The following ZPBP variants were observed in gnomAD, a reference collection of about 807,000 sequenced individuals.
The protein encoded by ZPBP is zona pellucida-binding protein 1.
ZPBP carries 26 observed loss-of-function variants against 44.8 expected under a neutral mutation model. The observed-to-expected ratio is 0.58, with a 90% confidence interval of 0.43 to 0.81. The LOEUF is 0.81. Among genes scored for constraint, ZPBP ranks in the 30% least tolerant of loss-of-function variants. The pLI is 0.00. For synonymous variants in ZPBP, 174 were observed against 153.2 expected (o/e 1.14, Z -1.00); for missense variants, 409 against 434.0 (o/e 0.94, Z 0.51).
intron 6 of ZPBP, among the ~76,000 whole-genome samples, chr7:50,017,578 C>G (rs1356649684): frequency 1.3e-5 from 2 of 151,952 alleles, no homozygotes; most frequent in Non-Finnish European, 2.9e-5. Flanking sequence ...TTTCACTAGG[C>G]AAAAATAATG....
intron 2 of ZPBP, among the ~76,000 whole-genome samples, chr7:49,851,122 G>A (rs1381303436): frequency 2.0e-5 from 3 of 152,134 alleles, no homozygotes; most frequent in Non-Finnish European, 4.4e-5. Flanking sequence ...CCTAGTGGCT[G>A]CCCGCCACCC....
chr7:50,011,886 C>T (rs972939689), intron 6 of ZPBP, among the ~76,000 whole-genome samples: 13 of 151,908 alleles, frequency 8.6e-5, no homozygotes, highest in African/African-American at 3.1e-4. Flanking sequence ...CCCGTCTCTA[C>T]TAAAAATACA....
chr7:50,044,132 A>G (rs189701450), intron 4 of ZPBP, among the ~76,000 whole-genome samples: 118 of 152,352 alleles, frequency 7.7e-4, no homozygotes, highest in East Asian at 2.5e-3. Flanking sequence ...CAAAGACACA[A>G]CGTACCAGAA....
downstream of ZPBP, among the ~76,000 whole-genome samples, chr7:49,848,615 C>T (rs1365081628): frequency 6.6e-6 from 1 of 152,222 alleles, no homozygotes; most frequent in East Asian, 1.9e-4. Flanking sequence ...TTCCCTTTCT[C>T]CACTTGTAAA....
chr7:49,996,064 A>C (rs1174935817), intron 6 of ZPBP, among the ~76,000 whole-genome samples: 1 of 152,226 alleles, frequency 6.6e-6, no homozygotes, highest in African/African-American at 2.4e-5. Context: ...TAGATATTGT[A>C]AATGTCCTGA....
chr7:50,021,485 GA>G (rs77073741), intron 5 of ZPBP, among the ~76,000 whole-genome samples: 28,869 of 149,850 alleles, frequency 0.19, 3,676 homozygotes, highest in East Asian at 0.62. Context: ...AGTCAGAGAA[GA>G]AAAAAAAAAT....
chr7:50,083,834 C>T (rs192027924), intron 2 of ZPBP, among the ~76,000 whole-genome samples: 20 of 151,858 alleles, frequency 1.3e-4, no homozygotes, highest in Non-Finnish European at 2.7e-4. Context: ...AAATAAATTC[C>T]AGGTACACTG....
chr7:50,000,444 A>G (rs1049591565), intron 6 of ZPBP, among the ~76,000 whole-genome samples: 2 of 152,174 alleles, frequency 1.3e-5, no homozygotes, highest in African/African-American at 4.8e-5. Context: ...TTATATTCCT[A>G]TTAAGTAGAG....
chr7:49,983,125 A>G (rs1797103085), intron 7 of ZPBP, among the ~76,000 whole-genome samples: 1 of 152,012 alleles, frequency 6.6e-6, no homozygotes, highest in South Asian at 2.1e-4. Flanking sequence ...TAATGATCCT[A>G]AACTCCCTTG....
chr7:49,883,561 G>T (rs1791772026), intron 2 of ZPBP, among the ~76,000 whole-genome samples: 1 of 152,118 alleles, frequency 6.6e-6, no homozygotes, highest in Non-Finnish European at 1.5e-5. Flanking sequence ...TAAAACATTA[G>T]CTGCACACAT....
rs184032143 is a variant in ZPBP, at chr7:49,882,853, T to G, written n.509+18265A>C. ...ATCTTCTATTTTTTGTGTTTTTGGG[T>G]TTTTTTTGTTTTTGTTGTTGTTGTT... On this transcript the variant is annotated intron_variant and non_coding_transcript_variant, in intron 2 of 2. Coordinates refer to the ZPBP transcript ENST00000465922. Among the ~76,000 whole-genome samples the G allele has an allele frequency of 4.7e-4, 71 of 151,562 alleles. 4 individuals carry two copies. The South Asian group carries it at 0.012, about 25-fold the overall frequency.
chr7:50,024,548 A>T (rs893989782), intron 5 of ZPBP, among the ~76,000 whole-genome samples: 3 of 151,068 alleles, frequency 2.0e-5, no homozygotes, highest in African/African-American at 7.3e-5. Flanking sequence ...ACCTGAAGAC[A>T]TATGTTAAGT....
chr7:49,874,834 C>T (rs947176168), intron 2 of ZPBP, among the ~76,000 whole-genome samples: 3 of 149,660 alleles, frequency 2.0e-5, no homozygotes, highest in African/African-American at 4.8e-5. Flanking sequence ...AGATTCCTGC[C>T]CCTCTTCCCT....
intron 2 of ZPBP, among the ~76,000 whole-genome samples, chr7:49,865,495 C>A (rs982899541): frequency 6.6e-6 from 1 of 152,188 alleles, no homozygotes; most frequent in Non-Finnish European, 1.5e-5. Flanking sequence ...GCTGATATGT[C>A]TGGGCTGGTG....
At chr7:49,996,547 G>A (rs564860734) in intron 6 of ZPBP, among the ~76,000 whole-genome samples, 73 of 152,314 alleles carry the variant, frequency 4.8e-4, no homozygotes, top group Admixed American at 7.2e-4. Context: ...CATTAGGGAA[G>A]GCTGGGAGAA....
chr7:49,864,837 C>A (rs1443032691), intron 2 of ZPBP, among the ~76,000 whole-genome samples: 3 of 152,182 alleles, frequency 2.0e-5, no homozygotes, highest in Non-Finnish European at 4.4e-5. Flanking sequence ...ATCAAGACTG[C>A]CTCAAAGCTT....
intron 1 of ZPBP, among the ~76,000 whole-genome samples, chr7:49,929,250 C>T (rs1009245996): frequency 1.3e-5 from 2 of 152,146 alleles, no homozygotes; most frequent in African/African-American, 4.8e-5. Flanking sequence ...TATGAACATG[C>T]CCTGGATCAC....
chr7:49,897,323 AC>A (rs1792439507), intron 2 of ZPBP, among the ~76,000 whole-genome samples: 1 of 152,264 alleles, frequency 6.6e-6, no homozygotes, highest in Non-Finnish European at 1.5e-5. Flanking sequence ...TTATCCTGAT[AC>A]CAAAACCAAA....
chr7:49,969,816 TATAGAGAGAGAG>T (rs1198558603), intron 7 of ZPBP, among the ~76,000 whole-genome samples: 2 of 136,178 alleles, frequency 1.5e-5, no homozygotes, highest in African/African-American at 5.9e-5. Flanking sequence ...TATATATATA[TATAGAGAGAGAG>T]AGAGAGAGAG....
Sources: allele counts gnomAD v4.1 joint callset (sites outside exome capture counted in the v4.1 genomes callset), GRCh38; gene constraint gnomAD v4.1.1; transcripts MANE v1.5; gene names NCBI Gene and HGNC (gene_info 2026-07-23, HGNC 2026-07-21).